The following GPR158 variants were observed in gnomAD, a reference collection of about 807,000 sequenced individuals.
GPR158 encodes the protein G protein-coupled receptor 158.
A neutral mutation model predicts 78.2 loss-of-function variants in GPR158; 30 were observed. That is an observed-to-expected ratio of 0.38 (90% confidence interval 0.29 to 0.52). The LOEUF (loss-of-function observed/expected upper bound fraction) is 0.52, where lower values mean the gene tolerates loss of function less well. GPR158 is among the 20% of genes least tolerant of loss of function. GPR158 has a pLI of 0.83. For synonymous variants in GPR158, 581 were observed against 591.1 expected, an observed-to-expected ratio of 0.98 and a Z score of 0.25; for missense variants, 1,463 against 1,523.5, an observed-to-expected ratio of 0.96 and a Z score of 0.66.
chr10:25,352,271 A>AGTGGG (rs1855485954), intron 2 of GPR158, among the ~76,000 whole-genome samples: 2 of 152,074 alleles, frequency 1.3e-5, no homozygotes, highest in Non-Finnish European at 2.9e-5. Context: ...TTAATTAAAA[A>AGTGGG]CTAACCCTGT....
At chr10:25,310,995 C>G (rs148582916) in intron 2 of GPR158, among the ~76,000 whole-genome samples, 1 of 151,940 alleles carries the variant, frequency 6.6e-6, no homozygotes, top group Non-Finnish European at 1.5e-5. Flanking sequence ...TCTGAGAGCT[C>G]GCCTTTATCA....
At chr10:25,226,108 A>G (rs940142417) in intron 2 of GPR158, among the ~76,000 whole-genome samples, 11 of 112,474 alleles carry the variant, frequency 9.8e-5, no homozygotes, top group Non-Finnish European at 1.4e-4. Flanking sequence ...TTTTCTCCAG[A>G]AAGTTTCTGT....
intron 5 of GPR158, among the ~76,000 whole-genome samples, chr10:25,473,746 G>A (rs142107289): frequency 8.5e-5 from 13 of 152,108 alleles, no homozygotes; most frequent in African/African-American, 2.9e-4. Flanking sequence ...TTGCATAGAG[G>A]TGTTTATAGT....
chr10:25,602,002 G>A lies in GPR158; in HGVS notation c.*2728G>A, dbSNP rs1305681178. The A allele has an allele frequency of 1.3e-5, 2 of 152,676 alleles. No individual in the cohort carries two copies. The highest frequency in any genetic ancestry group is 1.3e-4 in the Admixed American group (2 of 15,276). 9.5% of individuals were successfully genotyped at this position (152,676 alleles called of 1,614,324 possible). Reference sequence around the variant, plus strand: ...TCCTAGGTTTCTGCATGCAAGTTATGACAGGTAGGACTGAAAAAACACTGC... The same window carrying A: ...TCCTAGGTTTCTGCATGCAAGTTATAACAGGTAGGACTGAAAAAACACTGC... On this transcript the variant is annotated 3_prime_UTR_variant, in exon 11 of 11. Coordinates refer to ENST00000376351, the MANE Select transcript of GPR158 (RefSeq NM_020752.3).
Position 25,408,404 on chromosome 10 carries a change from T to A in GPR158, c.1112-3846T>A, listed in dbSNP as rs542398989. Among the ~76,000 whole-genome samples, 13 of 152,326 alleles carry A rather than the reference T, an allele frequency of 8.5e-5. No individual in the cohort carries two copies. In the South Asian group the frequency reaches 2.7e-3, roughly 32 times the overall value. ...GTCCATTGTTTTTGGTTGTTTCTGA[T>A]GGGAAGGTAAATTTAATCCCTGTTC... On this transcript the variant is annotated intron_variant, in intron 3 of 10. Coordinates refer to ENST00000376351, the MANE Select transcript of GPR158 (RefSeq NM_020752.3).
At chr10:25,575,066 CA>C (rs143994163) in intron 7 of GPR158, among the ~76,000 whole-genome samples, 1,509 of 121,072 alleles carry the variant, frequency 0.012, 12 homozygotes, top group Middle Eastern at 0.053. Flanking sequence ...GACTCCATCT[CA>C]AAAAAAAAAA....
chr10:25,279,405 A>G (rs1854235479), intron 2 of GPR158, among the ~76,000 whole-genome samples: 1 of 152,120 alleles, frequency 6.6e-6, no homozygotes, highest in African/African-American at 2.4e-5. Context: ...GGGGTTGAGG[A>G]GGAATTATTT....
intron 2 of GPR158, among the ~76,000 whole-genome samples, chr10:25,314,070 G>T (rs1854809336): frequency 6.6e-6 from 1 of 151,880 alleles, no homozygotes; most frequent in Non-Finnish European, 1.5e-5. Flanking sequence ...ATTTGTCTTG[G>T]AAATTATTTT....
At chr10:25,272,625 G>T (rs973382583) in intron 2 of GPR158, among the ~76,000 whole-genome samples, 4 of 152,156 alleles carry the variant, frequency 2.6e-5, no homozygotes, top group Non-Finnish European at 2.9e-5. Context: ...AAAATGGATT[G>T]CTTCTCCCAG....
chr10:25,529,611 G>A lies in GPR158; in HGVS notation c.1405-21365G>A, dbSNP rs1053659300. Among the ~76,000 whole-genome samples, 6 of 152,094 alleles carry A rather than the reference G, an allele frequency of 3.9e-5. No homozygotes were observed. In the South Asian group the frequency reaches 8.3e-4, roughly 21 times the overall value. Reference sequence around the variant, plus strand: ...TCAGATACAAGTACAAGATAAAAGCGCAATATAAAGGTTACTAATAAAAAA... The same window carrying A: ...TCAGATACAAGTACAAGATAAAAGCACAATATAAAGGTTACTAATAAAAAA... On this transcript the variant is annotated intron_variant, in intron 5 of 10. Transcript: ENST00000376351.
chr10:25,214,973 A>G (rs911844228), intron 1 of GPR158, among the ~76,000 whole-genome samples: 14 of 151,802 alleles, frequency 9.2e-5, no homozygotes, highest in Non-Finnish European at 1.8e-4. Flanking sequence ...ACCATATTTT[A>G]TTTGCTTGTT....
At chr10:25,508,332 T>C (rs529036451) in intron 5 of GPR158, among the ~76,000 whole-genome samples, 2 of 152,238 alleles carry the variant, frequency 1.3e-5, no homozygotes, top group South Asian at 4.1e-4. Context: ...ATTCCTGTCT[T>C]TCAGGTCTGC....
chr10:25,239,737 G>C (rs1031811389), intron 2 of GPR158, among the ~76,000 whole-genome samples: 1 of 152,126 alleles, frequency 6.6e-6, no homozygotes, highest in Non-Finnish European at 1.5e-5. Context: ...CTTCAGTGCA[G>C]AAAGTTCTGT....
intron 3 of GPR158, among the ~76,000 whole-genome samples, chr10:25,397,520 G>C (rs1834378963): frequency 1.3e-5 from 2 of 152,202 alleles, no homozygotes; most frequent in South Asian, 4.1e-4. Flanking sequence ...CATTGAGATT[G>C]AGACCTGAAT....
chr10:25,329,936 T>A (rs1855094734), intron 2 of GPR158, among the ~76,000 whole-genome samples: 1 of 152,146 alleles, frequency 6.6e-6, no homozygotes, highest in Admixed American at 6.5e-5. Context: ...ACACTTTGGA[T>A]GTTAAAAACA....
intron 2 of GPR158, among the ~76,000 whole-genome samples, chr10:25,237,124 C>G (rs1853536543): frequency 6.6e-6 from 1 of 152,102 alleles, no homozygotes; most frequent in Non-Finnish European, 1.5e-5. Flanking sequence ...ATTGGTAAGG[C>G]TGTTTTGGTG....
At chr10:25,213,676 C>T (rs989441347) in intron 1 of GPR158, among the ~76,000 whole-genome samples, 1 of 151,852 alleles carries the variant, frequency 6.6e-6, no homozygotes, top group East Asian at 1.9e-4. Context: ...GAAAACAGAA[C>T]TGTTCATTAA....
intron 2 of GPR158, among the ~76,000 whole-genome samples, chr10:25,275,063 A>C (rs1318503106): frequency 6.6e-6 from 1 of 152,230 alleles, no homozygotes; most frequent in Non-Finnish European, 1.5e-5. Context: ...CAGTTCTAGA[A>C]TTCTGATTAT....
At chr10:25,312,411 A>G (rs2807249) in intron 2 of GPR158, among the ~76,000 whole-genome samples, 123,064 of 152,034 alleles carry the variant, frequency 0.81, 50,876 homozygotes, top group African/African-American at 0.9. Flanking sequence ...AAGCCATGGT[A>G]GTAGATACAA....
Sources: gnomAD v4.1 joint callset for allele counts (sites outside exome capture counted in the v4.1 genomes callset) on GRCh38, gnomAD v4.1.1 for gene constraint, MANE v1.5 for transcripts, NCBI Gene and HGNC (gene_info 2026-07-23, HGNC 2026-07-21) for gene names.